CHSY3: variants seen among roughly 807,000 people sequenced by gnomAD.
CHSY3 encodes the protein N-acetylgalactosaminyl-proteoglycan 3-beta-glucuronosyltransferase 3.
CHSY3 carries 35 observed loss-of-function variants against 67.2 expected under a neutral mutation model. That is an observed-to-expected ratio of 0.52 (90% confidence interval 0.40 to 0.69). The LOEUF is 0.69. Among genes scored for constraint, CHSY3 ranks in the 30% least tolerant of loss-of-function variants. The pLI is 0.00. For missense variants in CHSY3, 1,069 were observed against 1,138.5 expected, an observed-to-expected ratio of 0.94 and a Z score of 0.88; for synonymous variants, 474 against 434.7, an observed-to-expected ratio of 1.09 and a Z score of -1.12.
At chr5:129,959,358 T>C (rs562464694) in intron 2 of CHSY3, among the ~76,000 whole-genome samples, 94 of 152,242 alleles carry the variant, frequency 6.2e-4, no homozygotes, top group African/African-American at 2.2e-3. Context: ...TTTTTGATGC[T>C]TTCACATTTC....
intron 2 of CHSY3, among the ~76,000 whole-genome samples, chr5:129,914,187 T>C (rs1760663701): frequency 1.3e-5 from 2 of 152,176 alleles, no homozygotes; most frequent in African/African-American, 4.8e-5. Context: ...CTTGGCTCAC[T>C]GCAACCTCCC....
At chr5:129,937,352 G>T (rs1291920509) in intron 2 of CHSY3, among the ~76,000 whole-genome samples, 9 of 152,082 alleles carry the variant, frequency 5.9e-5, no homozygotes, top group African/African-American at 2.2e-4. Flanking sequence ...ACTATATCAG[G>T]AGACAGCAAG....
intron 2 of CHSY3, among the ~76,000 whole-genome samples, chr5:129,918,608 T>C (rs924251693): frequency 2.6e-5 from 4 of 151,832 alleles, no homozygotes; most frequent in Admixed American, 6.6e-5. Context: ...AAGTAACACA[T>C]AGGGGCAATG....
At chr5:129,926,069 C>T (rs1761099396) in intron 2 of CHSY3, among the ~76,000 whole-genome samples, 1 of 151,854 alleles carries the variant, frequency 6.6e-6, no homozygotes, top group South Asian at 2.1e-4. Context: ...TGTGATTTAC[C>T]AGCCCTTGAA....
At chr5:129,997,370 A>G (rs1252992331) in intron 2 of CHSY3, among the ~76,000 whole-genome samples, 1 of 152,176 alleles carries the variant, frequency 6.6e-6, no homozygotes, top group Non-Finnish European at 1.5e-5. Context: ...CTATGCAAGC[A>G]TATAGTTTTT....
intron 2 of CHSY3, among the ~76,000 whole-genome samples, chr5:130,183,653 A>G (rs1290581464): frequency 6.6e-6 from 1 of 152,158 alleles, no homozygotes; most frequent in Admixed American, 6.5e-5. Context: ...ATTTGAGCCT[A>G]TGAACCTGAC....
chr5:130,152,502 T>A (rs375506562), intron 2 of CHSY3, among the ~76,000 whole-genome samples: 9 of 152,270 alleles, frequency 5.9e-5, no homozygotes, highest in African/African-American at 2.2e-4. Flanking sequence ...CACCACAGAG[T>A]ATTTAAAACT....
At chr5:129,944,220 C>T (rs778769389) in intron 2 of CHSY3, among the ~76,000 whole-genome samples, 4 of 152,140 alleles carry the variant, frequency 2.6e-5, no homozygotes, top group Non-Finnish European at 5.9e-5. Flanking sequence ...ATCTGAACAT[C>T]CATGAGTTTA....
chr5:130,030,241 A>G (rs1764669094), intron 2 of CHSY3, among the ~76,000 whole-genome samples: 1 of 152,082 alleles, frequency 6.6e-6, no homozygotes. Context: ...TAAGTGTCAT[A>G]GTTTTCTGGT....
chr5:130,050,851 A>G (rs541760291), intron 2 of CHSY3, among the ~76,000 whole-genome samples: 18 of 152,152 alleles, frequency 1.2e-4, no homozygotes, highest in African/African-American at 4.3e-4. Flanking sequence ...TACACATGAA[A>G]CACGTTTATT....
chr5:130,134,186 T>A (rs1165125243), intron 2 of CHSY3, among the ~76,000 whole-genome samples: 1 of 152,200 alleles, frequency 6.6e-6, no homozygotes, highest in African/African-American at 2.4e-5. Flanking sequence ...TTTGTCTGAT[T>A]CTGCATGCAG....
intron 2 of CHSY3, among the ~76,000 whole-genome samples, chr5:130,037,531 A>G (rs1764893936): frequency 6.6e-6 from 1 of 152,104 alleles, no homozygotes; most frequent in Non-Finnish European, 1.5e-5. Flanking sequence ...TGGGGAACCA[A>G]GGTAGTTTGA....
chr5:130,105,764 C>T (rs1037796955), intron 2 of CHSY3, among the ~76,000 whole-genome samples: 3 of 151,492 alleles, frequency 2.0e-5, no homozygotes, highest in African/African-American at 7.3e-5. Flanking sequence ...GAATTATCTC[C>T]AGGTTATTTT....
chr5:130,185,470 A>T lies in CHSY3; in HGVS notation c.2328A>T (p.Arg776Ser). The T allele has an allele frequency of 6.2e-7, 1 of 1,614,112 alleles. No individual in the cohort carries two copies. The highest frequency in any genetic ancestry group is 8.5e-7 in the Non-Finnish European group (1 of 1,180,000). Reference sequence around the variant, plus strand: ...TCTCAAAAAAGACTGGATTTTGGAGAGACTATGGATATGGCATCACCTGTA... The same window carrying T: ...TCTCAAAAAAGACTGGATTTTGGAGTGACTATGGATATGGCATCACCTGTA... Reference protein sequence around the residue: ...FIFSKKTGFWRDYGYGITCIY... With the variant: ...FIFSKKTGFWSDYGYGITCIY... Residue 776 changes from arginine (R) to serine (S), a missense_variant, in exon 3 of 3, where the codon AGA becomes AGT. This residue lies in a region of CHSY3 where 139 missense variants were observed against 152.8 expected (regional missense o/e 0.91). Transcript: ENST00000305031.
chr5:130,108,992 C>T (rs1216347197), intron 2 of CHSY3, among the ~76,000 whole-genome samples: 2 of 151,630 alleles, frequency 1.3e-5, no homozygotes, highest in Non-Finnish European at 3.0e-5. Flanking sequence ...ACTATGAAGA[C>T]ATATGAAGCC....
At chr5:130,166,103 A>G (rs547082344) in intron 2 of CHSY3, among the ~76,000 whole-genome samples, 15 of 152,300 alleles carry the variant, frequency 9.8e-5, no homozygotes, top group African/African-American at 3.6e-4. Flanking sequence ...TATAAAATAT[A>G]GTTATTTAGC....
intron 2 of CHSY3, among the ~76,000 whole-genome samples, chr5:130,071,708 C>A (rs1382822268): frequency 2.0e-5 from 3 of 151,958 alleles, no homozygotes; most frequent in Non-Finnish European, 4.4e-5. Context: ...ATAAAAATTT[C>A]AATTATTTTG....
intron 2 of CHSY3, among the ~76,000 whole-genome samples, chr5:130,165,876 GA>G (rs1316709565): frequency 2.6e-5 from 4 of 152,054 alleles, no homozygotes; most frequent in Non-Finnish European, 5.9e-5. Flanking sequence ...TTTTCTCAAT[GA>G]ATATGCCATT....
intron 2 of CHSY3, among the ~76,000 whole-genome samples, chr5:129,961,068 C>T (rs965253593): frequency 2.6e-5 from 4 of 152,046 alleles, no homozygotes; most frequent in Admixed American, 2.6e-4. Context: ...ACTTGCTTTT[C>T]ACCATAAATG....
Sources: gnomAD v4.1 joint callset for allele counts (sites outside exome capture counted in the v4.1 genomes callset) on GRCh38, gnomAD v4.1.1 for gene constraint, gnomAD v4.1.1 regional missense constraint, MANE v1.5 for transcripts, NCBI Gene and HGNC (gene_info 2026-07-23, HGNC 2026-07-21) for gene names.